LTBP1: variants seen among roughly 807,000 people sequenced by gnomAD.
LTBP1 encodes the protein latent transforming growth factor beta binding protein 1.
A neutral mutation model predicts 207.6 loss-of-function variants in LTBP1; 129 were observed. That is an observed-to-expected ratio of 0.62 (90% CI 0.54 to 0.72). The LOEUF (loss-of-function observed/expected upper bound fraction) is 0.72, where lower values mean the gene tolerates loss of function less well. Ranked by LOEUF, LTBP1 falls within the 30% of genes least tolerant of loss-of-function variation. The probability of loss-of-function intolerance (pLI) is 0.00; values close to 1 mark genes in which losing one functional copy is unlikely to be tolerated. For synonymous variants in LTBP1, 963 were observed against 833.7 expected, an observed-to-expected ratio of 1.16 and a Z score of -2.67; for missense variants, 2,281 against 2,217.2, an observed-to-expected ratio of 1.03 and a Z score of -0.58.
At position 33,301,656 on chromosome 2, in the gene LTBP1, T is replaced by C; in HGVS notation, c.3481+12T>C. ...AGACCACTGTGAAGGTAAGAATTGC[T>C]CCTGATTTCAGAATCATAAAATGCC... On this transcript the variant is annotated intron_variant, in intron 22 of 33. Transcript: ENST00000404816. 6.4e-7 allele frequency: 1 copy of C among 1,570,626 alleles called. No individual in the cohort carries two copies. Among genetic ancestry groups the C allele is most frequent in the South Asian group, 1.2e-5 (1 of 83,740 alleles).
chr2:33,182,671 AAG>A (rs72497506), intron 5 of LTBP1, among the ~76,000 whole-genome samples: 17,457 of 76,214 alleles, frequency 0.23, 3,590 homozygotes, highest in Admixed American at 0.28. Flanking sequence ...CAAAAAAAAA[AAG>A]AAGAAAAGAT....
chr2:33,205,970 A>G (rs1468116908), intron 7 of LTBP1, among the ~76,000 whole-genome samples: 5 of 152,308 alleles, frequency 3.3e-5, no homozygotes, highest in Middle Eastern at 3.4e-3. Context: ...CCATGTTGGT[A>G]CCATAATCTT....
intron 3 of LTBP1, among the ~76,000 whole-genome samples, chr2:33,042,397 G>C (rs562396597): frequency 1.3e-5 from 2 of 152,288 alleles, no homozygotes; most frequent in African/African-American, 4.8e-5. Context: ...GGTTTTTTCT[G>C]TGCTTTTCCT....
intron 3 of LTBP1, chr2:33,061,561 T>C (rs2077271674): frequency 6.6e-6 from 1 of 152,204 alleles, no homozygotes. Flanking sequence ...GATTATACAA[T>C]GTGTACCCTT....
intron 31 of LTBP1, among the ~76,000 whole-genome samples, chr2:33,383,348 G>A (rs571313838): frequency 2.6e-5 from 4 of 152,304 alleles, no homozygotes; most frequent in South Asian, 2.1e-4. Context: ...GCGAGACTCC[G>A]TCTCAGGGGA....
intron 26 of LTBP1, among the ~76,000 whole-genome samples, chr2:33,353,486 G>C (rs545796696): frequency 2.6e-5 from 4 of 152,270 alleles, no homozygotes; most frequent in South Asian, 2.1e-4. Flanking sequence ...TGAGCACGGC[G>C]CCTGATGGAT....
intron 2 of LTBP1, among the ~76,000 whole-genome samples, chr2:32,950,839 T>C (rs1676992856): frequency 6.6e-6 from 1 of 152,226 alleles, no homozygotes; most frequent in African/African-American, 2.4e-5. Flanking sequence ...GAGTGCTGTC[T>C]CTGAAAAGAG....
At chr2:32,998,918 A>T (rs1685692688) in intron 2 of LTBP1, among the ~76,000 whole-genome samples, 1 of 152,242 alleles carries the variant, frequency 6.6e-6, no homozygotes. Context: ...GTATTTTGTT[A>T]TAGCAGCCTG....
chr2:33,088,062 C>G (rs2078860390), intron 3 of LTBP1, among the ~76,000 whole-genome samples: 1 of 152,296 alleles, frequency 6.6e-6, no homozygotes, highest in South Asian at 2.1e-4. Context: ...CTGGAAAGCA[C>G]CAGGCATGTC....
chr2:33,135,765 A>G (rs746514780), intron 5 of LTBP1, among the ~76,000 whole-genome samples: 4 of 152,230 alleles, frequency 2.6e-5, no homozygotes, highest in Non-Finnish European at 5.9e-5. Context: ...TTGTCATGCA[A>G]TACAGTATTT....
At chr2:33,213,397 A>T (rs529969555) in intron 7 of LTBP1, among the ~76,000 whole-genome samples, 1 of 152,324 alleles carries the variant, frequency 6.6e-6, no homozygotes, top group East Asian at 1.9e-4. Flanking sequence ...ACATCACCTC[A>T]ATCTGTGCGT....
intron 2 of LTBP1, among the ~76,000 whole-genome samples, chr2:32,986,464 A>T (rs1056244243): frequency 6.6e-6 from 1 of 152,218 alleles, no homozygotes; most frequent in Non-Finnish European, 1.5e-5. Flanking sequence ...TTATGCTGAC[A>T]TTAAGCCTGA....
chr2:33,205,367 C>T (rs1044059210), intron 7 of LTBP1, among the ~76,000 whole-genome samples: 1 of 152,210 alleles, frequency 6.6e-6, no homozygotes, highest in Non-Finnish European at 1.5e-5. Context: ...AGGCCAGGAT[C>T]ACTTATGAAT....
intron 7 of LTBP1, among the ~76,000 whole-genome samples, chr2:33,192,188 T>G (rs1325056380): frequency 1.3e-5 from 2 of 152,182 alleles, no homozygotes; most frequent in Admixed American, 1.3e-4. Flanking sequence ...TGCACAAATA[T>G]TAAGCCTCTT....
At chr2:33,217,811 G>A (rs2090826880) in intron 8 of LTBP1, among the ~76,000 whole-genome samples, 157 bp downstream of exon 8, 1 of 152,126 alleles carries the variant, frequency 6.6e-6, no homozygotes, top group Admixed American at 6.5e-5. Context: ...AAATTTGCAA[G>A]TCTGAAAAAG....
intron 9 of LTBP1, among the ~76,000 whole-genome samples, chr2:33,223,010 C>T (rs2091215910): frequency 6.6e-6 from 1 of 152,154 alleles, no homozygotes; most frequent in Non-Finnish European, 1.5e-5. Context: ...GAACCAAAAG[C>T]CATGTTGAGA....
chr2:33,189,397 T>C (rs542571019), intron 7 of LTBP1, among the ~76,000 whole-genome samples: 18 of 152,302 alleles, frequency 1.2e-4, no homozygotes, highest in African/African-American at 4.3e-4. Context: ...GGTTTCACCA[T>C]GTTGGCCAGG....
At chr2:33,281,729 A>C (rs2093562847) in intron 19 of LTBP1, among the ~76,000 whole-genome samples, 1 of 152,170 alleles carries the variant, frequency 6.6e-6, no homozygotes, top group South Asian at 2.1e-4. Context: ...GTCTTTGAAG[A>C]AAAGATTTTT....
At chr2:33,159,847 G>A (rs574025131) in intron 5 of LTBP1, among the ~76,000 whole-genome samples, 12 of 152,182 alleles carry the variant, frequency 7.9e-5, no homozygotes, top group South Asian at 4.2e-4. Flanking sequence ...TCCATGTACC[G>A]ATTAGAAAAC....
Sources: gnomAD v4.1 joint callset for allele counts (sites outside exome capture counted in the v4.1 genomes callset) on GRCh38, gnomAD v4.1.1 for gene constraint, MANE v1.5 for transcripts, NCBI Gene and HGNC (gene_info 2026-07-23, HGNC 2026-07-21) for gene names.